The following LYRM4 variants were observed in gnomAD, a reference collection of about 807,000 sequenced individuals.
The protein encoded by LYRM4 is LYR motif containing 4, also known as LYR motif-containing protein 4.
LYRM4 carries 9 observed loss-of-function variants against 11.7 expected under a neutral mutation model. That is an observed-to-expected ratio of 0.77 (90% CI 0.46 to 1.34). LYRM4 has a LOEUF of 1.34. Among genes scored for constraint, LYRM4 ranks in the 40% most tolerant of loss-of-function variants. The pLI is 0.00. For synonymous variants in LYRM4, 42 were observed against 40.4 expected (o/e 1.04, Z -0.15); for missense variants, 133 against 112.5 (o/e 1.18, Z -0.82).
chr6:5,203,142 G>A (rs1473689081), intron 2 of LYRM4, among the ~76,000 whole-genome samples: 9 of 152,036 alleles, frequency 5.9e-5, no homozygotes, highest in Admixed American at 5.9e-4. Flanking sequence ...AACTACCCAC[G>A]CCCCCCGGAC....
chr6:5,135,526 G>A lies in LYRM4; in HGVS notation c.208-26035C>T, dbSNP rs975311312. On this transcript the variant is annotated intron_variant, in intron 2 of 2. Transcript: ENST00000330636. ...GTTCACTCCCGGGACTGTGGAGGGT[G>A]CGGATCGCTCCTGGGGCTGTGGAGG... Among the ~76,000 whole-genome samples, 2 of 149,770 alleles carry A rather than the reference G, an allele frequency of 1.3e-5. 1 individual carries two copies. The highest frequency in any genetic ancestry group is 4.0e-4 in the East Asian group (2 of 5,028).
At chr6:5,217,419 TG>T (rs1762337176) in intron 1 of LYRM4, among the ~76,000 whole-genome samples, 1 of 152,214 alleles carries the variant, frequency 6.6e-6, no homozygotes, top group Non-Finnish European at 1.5e-5. Context: ...GAGCAAGGCT[TG>T]CCCATCGGAC....
chr6:5,130,024 A>G (rs1763876915), intron 2 of LYRM4, among the ~76,000 whole-genome samples: 2 of 152,234 alleles, frequency 1.3e-5, no homozygotes, highest in African/African-American at 4.8e-5. Flanking sequence ...TATGGATTAG[A>G]TTCCCAGCTC....
At chr6:5,229,506 G>C (rs1161361180) in intron 1 of LYRM4, among the ~76,000 whole-genome samples, 1 of 152,186 alleles carries the variant, frequency 6.6e-6, no homozygotes, top group Non-Finnish European at 1.5e-5. Context: ...CCAGGGCTCA[G>C]TGGGTGGTGC....
At position 5,172,322 on chromosome 6, in the gene LYRM4, GA is replaced by G. The variant is rs1220756421; in HGVS notation, c.207+44295del. Among the ~76,000 whole-genome samples, 5 of 152,268 alleles carry G rather than the reference GA, an allele frequency of 3.3e-5. No homozygotes were observed. The East Asian group carries it at 9.6e-4, about 29-fold the overall frequency. ...ATCACCTGAGCGGCAACAATTCTCA[GA>G]AGGCCCAAAAAAAGGAGCTGAGGAG... On this transcript the variant is annotated intron_variant, in intron 2 of 2. Transcript: ENST00000330636.
the LYRM4 span, among the ~76,000 whole-genome samples, chr6:5,048,290 G>GGGGTGTGT: frequency 1.4e-5 from 2 of 139,968 alleles, no homozygotes; most frequent in South Asian, 2.5e-4. Context: ...GACACTTTGT[G>GGGGTGTGT]GTGTGTGTGT....
At chr6:5,045,160 C>T in the LYRM4 span, among the ~76,000 whole-genome samples, 1 of 152,208 alleles carries the variant, frequency 6.6e-6, no homozygotes, top group Non-Finnish European at 1.5e-5. Flanking sequence ...GATATTTGCA[C>T]ATTTCATCCT....
At chr6:5,180,277 C>T (rs1017569256) in intron 2 of LYRM4, among the ~76,000 whole-genome samples, 2 of 152,216 alleles carry the variant, frequency 1.3e-5, no homozygotes, top group Non-Finnish European at 2.9e-5. Context: ...CACAGGTGTA[C>T]ACCGTGGCAG....
At chr6:5,229,725 T>C (rs898252494) in intron 1 of LYRM4, among the ~76,000 whole-genome samples, 3 of 152,150 alleles carry the variant, frequency 2.0e-5, no homozygotes, top group African/African-American at 7.2e-5. Flanking sequence ...CAAAACAATA[T>C]GACAGTTTCA....
At chr6:5,228,136 TAAAAC>T (rs143301751) in intron 1 of LYRM4, among the ~76,000 whole-genome samples, 2 of 151,832 alleles carry the variant, frequency 1.3e-5, no homozygotes, top group African/African-American at 4.8e-5. Context: ...GAACTTAAAG[TAAAAC>T]AAAACAAAAC....
At chr6:5,073,537 A>G in the LYRM4 span, among the ~76,000 whole-genome samples, 3 of 147,850 alleles carry the variant, frequency 2.0e-5, no homozygotes, top group African/African-American at 7.4e-5. Context: ...TATATCCTAT[A>G]CTATATAGGA....
intron 2 of LYRM4, among the ~76,000 whole-genome samples, chr6:5,139,758 C>T (rs548324390): frequency 1.3e-3 from 195 of 152,176 alleles, no homozygotes; most frequent in Non-Finnish European, 1.6e-3. Context: ...TTCCATTTTC[C>T]GTACATCACT....
At chr6:5,242,964 G>A (rs1179000122) in intron 1 of LYRM4, among the ~76,000 whole-genome samples, 5 of 151,254 alleles carry the variant, frequency 3.3e-5, no homozygotes, top group Non-Finnish European at 7.4e-5. Flanking sequence ...TAGTAGAGAC[G>A]GGGTTTCACC....
the LYRM4 span, chr6:5,066,818 C>A: frequency 1.3e-6 from 1 of 766,308 alleles, no homozygotes; most frequent in South Asian, 1.6e-5. Context: ...TCCTGAAATC[C>A]GGATCCGGCC....
chr6:5,146,993 G>C (rs1011190413), intron 2 of LYRM4, among the ~76,000 whole-genome samples: 3 of 152,126 alleles, frequency 2.0e-5, no homozygotes, highest in African/African-American at 7.2e-5. Flanking sequence ...TGAGATGGAT[G>C]GAATGATTTC....
chr6:5,101,097 C>T (rs527719560), downstream of LYRM4, among the ~76,000 whole-genome samples: 5 of 152,284 alleles, frequency 3.3e-5, no homozygotes, highest in South Asian at 4.1e-4. Flanking sequence ...ATCGCTGTTC[C>T]CTTGCATAGC....
chr6:5,228,513 G>A (rs1471981872), intron 1 of LYRM4, among the ~76,000 whole-genome samples: 1 of 151,966 alleles, frequency 6.6e-6, no homozygotes, highest in Non-Finnish European at 1.5e-5. Context: ...CCTGACCTCA[G>A]GTAGTCCACC....
chr6:5,164,292 T>C (rs538869383), intron 2 of LYRM4, among the ~76,000 whole-genome samples: 10 of 152,252 alleles, frequency 6.6e-5, no homozygotes, highest in African/African-American at 2.2e-4. Context: ...CTATTCACAC[T>C]AGCCCAAAAC....
At chr6:5,183,661 C>T (rs960759751) in intron 2 of LYRM4, among the ~76,000 whole-genome samples, 22 of 152,092 alleles carry the variant, frequency 1.4e-4, no homozygotes, top group Non-Finnish European at 2.6e-4. Flanking sequence ...CCCTTTAGAC[C>T]GACAAAATCA....
Sources: gnomAD v4.1 joint callset for allele counts (sites outside exome capture counted in the v4.1 genomes callset) on GRCh38, gnomAD v4.1.1 for gene constraint, MANE v1.5 for transcripts, NCBI Gene and HGNC (gene_info 2026-07-23, HGNC 2026-07-21) for gene names.